The following SLIT3 variants were observed in gnomAD, a reference collection of about 807,000 sequenced individuals.
SLIT3 encodes slit guidance ligand 3, also known as slit homolog 3 protein.
A neutral mutation model predicts 184.0 loss-of-function variants in SLIT3; 68 were observed. The observed-to-expected ratio is 0.37, with a 90% CI of 0.30 to 0.45. The LOEUF is 0.45. Among genes scored for constraint, SLIT3 ranks in the 20% least tolerant of loss-of-function variants. The probability of loss-of-function intolerance (pLI) is 1.00; values close to 1 mark genes in which losing one functional copy is unlikely to be tolerated. For missense variants in SLIT3, 1,707 were observed against 2,026.0 expected (o/e 0.84, Z 3.02); for synonymous variants, 831 against 828.6 (o/e 1.00, Z -0.05).
At chr5:168,830,374 A>G (rs574890743) in intron 6 of SLIT3, among the ~76,000 whole-genome samples, 144 of 152,246 alleles carry the variant, frequency 9.5e-4, no homozygotes, top group Non-Finnish European at 1.5e-3. Context: ...ACACTGCTCT[A>G]ATGTGCCTGG....
intron 4 of SLIT3, among the ~76,000 whole-genome samples, chr5:168,935,513 C>T (rs1187135546): frequency 6.6e-6 from 1 of 152,208 alleles, no homozygotes; most frequent in Non-Finnish European, 1.5e-5. Context: ...TGTGTTCATT[C>T]ATTCCGTTAA....
At chr5:169,254,448 T>C (rs1047952158) in intron 1 of SLIT3, among the ~76,000 whole-genome samples, 2 of 151,872 alleles carry the variant, frequency 1.3e-5, no homozygotes, top group Non-Finnish European at 2.9e-5. Context: ...GTGGGAAGTG[T>C]GGTGGTCTCC....
intron 4 of SLIT3, among the ~76,000 whole-genome samples, chr5:169,144,487 G>GACAA (rs1472334151): frequency 1.3e-5 from 2 of 152,230 alleles, no homozygotes; most frequent in African/African-American, 4.8e-5. Context: ...TTAAAGGCAT[G>GACAA]GAACATGCTT....
At chr5:169,150,898 G>A (rs1274193374) in intron 4 of SLIT3, among the ~76,000 whole-genome samples, 4 of 152,174 alleles carry the variant, frequency 2.6e-5, no homozygotes, top group African/African-American at 9.7e-5. Context: ...TTTCATGCGG[G>A]AGATGCTGGA....
chr5:168,910,466 G>A (rs925223412), intron 4 of SLIT3, among the ~76,000 whole-genome samples: 5 of 152,218 alleles, frequency 3.3e-5, no homozygotes, highest in Admixed American at 6.5e-5. Context: ...AATTGCCGCC[G>A]GGCGTGGTGG....
intron 4 of SLIT3, among the ~76,000 whole-genome samples, chr5:169,170,555 A>T (rs1290728491): frequency 1.3e-5 from 2 of 152,122 alleles, no homozygotes; most frequent in African/African-American, 4.8e-5. Flanking sequence ...AGTGAGACTG[A>T]TGGGAATGGA....
At chr5:169,081,142 G>A (rs922870289) in intron 4 of SLIT3, among the ~76,000 whole-genome samples, 5 of 152,196 alleles carry the variant, frequency 3.3e-5, no homozygotes, top group African/African-American at 1.2e-4. Flanking sequence ...GTCAGGCCTG[G>A]CCCACCAGGT....
intron 4 of SLIT3, among the ~76,000 whole-genome samples, chr5:169,112,231 C>T (rs989818828): frequency 3.9e-5 from 6 of 152,126 alleles, no homozygotes; most frequent in South Asian, 2.1e-4. Context: ...CAGCACAAAG[C>T]GGCCCTTGCT....
intron 4 of SLIT3, among the ~76,000 whole-genome samples, chr5:169,053,611 A>T (rs916124018): frequency 1.3e-5 from 2 of 152,084 alleles, no homozygotes; most frequent in Non-Finnish European, 2.9e-5. Context: ...ATCTTTCTAG[A>T]TTACCCTCTC....
At chr5:168,895,255 T>G (rs910234427) in intron 4 of SLIT3, among the ~76,000 whole-genome samples, 5 of 152,094 alleles carry the variant, frequency 3.3e-5, no homozygotes, top group African/African-American at 1.2e-4. Flanking sequence ...CTAGAGTTCC[T>G]CTTATGTGGC....
chr5:169,257,609 C>A (rs1211725106), intron 1 of SLIT3, among the ~76,000 whole-genome samples: 1 of 125,318 alleles, frequency 8.0e-6, no homozygotes, highest in African/African-American at 3.3e-5. Flanking sequence ...TGCAGTGGCA[C>A]GATCTTGGCT....
chr5:168,879,004 C>A (rs749716257), intron 5 of SLIT3, among the ~76,000 whole-genome samples: 2 of 152,214 alleles, frequency 1.3e-5, no homozygotes, highest in Non-Finnish European at 2.9e-5. Flanking sequence ...CATGAGCCAC[C>A]ACACCTGGCC....
At chr5:168,970,220 G>T (rs1257821577) in intron 4 of SLIT3, among the ~76,000 whole-genome samples, 1 of 151,600 alleles carries the variant, frequency 6.6e-6, no homozygotes, top group Non-Finnish European at 1.5e-5. Context: ...ACAAGGCCAG[G>T]CGTGGTGGCT....
Position 168,724,210 on chromosome 5 carries a change from C to T in SLIT3, c.2339+206G>A, listed in dbSNP as rs1270666849. Reference sequence around the variant, plus strand: ...CTTTCAGCTTTTCAGAGAAGGTCTCCTACTTTCCCAAGGGTAATGCTCTTT... The same window carrying T: ...CTTTCAGCTTTTCAGAGAAGGTCTCTTACTTTCCCAAGGGTAATGCTCTTT... On this transcript the variant is annotated intron_variant, in intron 21 of 35. Transcript: ENST00000519560. Among the ~76,000 whole-genome samples, 4 of 152,124 alleles carry T rather than the reference C, an allele frequency of 2.6e-5. No individual in the cohort carries two copies. In the East Asian group the frequency reaches 5.8e-4, roughly 22 times the overall value.
At chr5:168,911,335 G>A (rs942325516) in intron 4 of SLIT3, among the ~76,000 whole-genome samples, 1 of 152,120 alleles carries the variant, frequency 6.6e-6, no homozygotes, top group Non-Finnish European at 1.5e-5. Context: ...CGACCTTTCT[G>A]CATGGTCTCT....
chr5:169,277,975 T>C (rs919721468), intron 1 of SLIT3, among the ~76,000 whole-genome samples: 7 of 152,248 alleles, frequency 4.6e-5, no homozygotes, highest in Non-Finnish European at 1.0e-4. Flanking sequence ...AGCCTGTTTT[T>C]TGTAAGAGCA....
chr5:168,963,515 C>T (rs1375977198), intron 4 of SLIT3, among the ~76,000 whole-genome samples: 1 of 152,224 alleles, frequency 6.6e-6, no homozygotes, highest in Non-Finnish European at 1.5e-5. Flanking sequence ...GCTTTCACCA[C>T]ACAAGGCAAA....
At chr5:168,905,991 G>A (rs576199624) in intron 4 of SLIT3, among the ~76,000 whole-genome samples, 1 of 152,334 alleles carries the variant, frequency 6.6e-6, no homozygotes, top group Non-Finnish European at 1.5e-5. Flanking sequence ...TGAGGACTCA[G>A]CTGGAGCTGT....
At chr5:169,011,956 T>TG (rs1756173347) in intron 4 of SLIT3, among the ~76,000 whole-genome samples, 1 of 151,884 alleles carries the variant, frequency 6.6e-6, no homozygotes, top group Non-Finnish European at 1.5e-5. Flanking sequence ...CTTTTTTTTT[T>TG]TTTTGGTTTA....
Sources: gnomAD v4.1 joint callset for allele counts (sites outside exome capture counted in the v4.1 genomes callset) on GRCh38, gnomAD v4.1.1 for gene constraint, MANE v1.5 for transcripts, NCBI Gene and HGNC (gene_info 2026-07-23, HGNC 2026-07-21) for gene names.